Variants in DBX2 observed in about 807,000 individuals in gnomAD.
DBX2 encodes the protein developing brain homeobox 2.
Under a neutral mutation model 17.7 loss-of-function variants are expected in DBX2, and 16 were observed. The ratio of observed to expected loss-of-function variants is 0.90; its 90% CI spans 0.61 to 1.37. The LOEUF (loss-of-function observed/expected upper bound fraction) is 1.37. Among genes scored for constraint, DBX2 ranks in the 40% most tolerant of loss-of-function variants. The pLI is 0.00. For missense variants in DBX2, 538 were observed against 433.8 expected (o/e 1.24, Z -2.13); for synonymous variants, 255 against 183.8 (o/e 1.39, Z -3.13).
chr12:45,019,696 T>C (rs1400178180), intron 3 of DBX2, among the ~76,000 whole-genome samples: 2 of 152,130 alleles, frequency 1.3e-5, no homozygotes, highest in Admixed American at 1.3e-4. Flanking sequence ...GGTGAAATGA[T>C]GGTCTGTTAT....
chr12:45,039,462 A>G (rs1264376069), intron 1 of DBX2, among the ~76,000 whole-genome samples: 1 of 151,688 alleles, frequency 6.6e-6, no homozygotes, highest in African/African-American at 2.4e-5. Context: ...AGGTGCTCTG[A>G]AAAAGGTAGA....
intron 1 of DBX2, among the ~76,000 whole-genome samples, chr12:45,041,683 T>A (rs1946472154): frequency 6.6e-6 from 1 of 152,268 alleles, no homozygotes; most frequent in East Asian, 1.9e-4. Context: ...AGAAGATATA[T>A]CAAGTGCAGT....
intron 1 of DBX2, among the ~76,000 whole-genome samples, chr12:45,036,759 C>A (rs1473727979): frequency 6.6e-6 from 1 of 152,162 alleles, no homozygotes; most frequent in Non-Finnish European, 1.5e-5. Context: ...AGTAAATTTA[C>A]TGAGCAATTC....
chr12:45,048,427 T>C (rs532689281), intron 1 of DBX2, among the ~76,000 whole-genome samples: 3 of 152,202 alleles, frequency 2.0e-5, no homozygotes, highest in Admixed American at 6.5e-5. Flanking sequence ...TCTCCAACTC[T>C]TATGCTGTCC....
intron 2 of DBX2, among the ~76,000 whole-genome samples, chr12:45,030,109 G>A (rs56669029): frequency 2.0e-5 from 3 of 152,092 alleles, no homozygotes; most frequent in East Asian, 2.0e-4. Context: ...AGGGGAGGTT[G>A]GGGGAGACAG....
chr12:45,021,665 C>G (rs1946352764), intron 3 of DBX2, among the ~76,000 whole-genome samples: 1 of 152,172 alleles, frequency 6.6e-6, no homozygotes, highest in Admixed American at 6.5e-5. Flanking sequence ...CCCTCATGTC[C>G]TCTCTCAGGC....
At chr12:45,022,582 G>A (rs1592751133) in intron 3 of DBX2, among the ~76,000 whole-genome samples, 2 of 152,148 alleles carry the variant, frequency 1.3e-5, no homozygotes, top group Middle Eastern at 3.4e-3. Flanking sequence ...GGGATTACAG[G>A]TGTGAGCCAC....
chr12:45,022,157 G>A (rs968562102), intron 3 of DBX2, among the ~76,000 whole-genome samples: 5 of 152,128 alleles, frequency 3.3e-5, no homozygotes, highest in Admixed American at 1.3e-4. Flanking sequence ...ACCACACAGC[G>A]AGGAGAGCAC....
intron 2 of DBX2, among the ~76,000 whole-genome samples, chr12:45,025,501 C>T (rs1458058790): frequency 6.6e-6 from 1 of 151,898 alleles, no homozygotes; most frequent in African/African-American, 2.4e-5. Flanking sequence ...TTTGTTACAG[C>T]AACAATAGAA....
chr12:45,050,468 G>T, intron 1 of DBX2, 57 bp downstream of exon 1: 1 of 1,535,694 alleles, frequency 6.5e-7, no homozygotes. Flanking sequence ...CAGATCCCTG[G>T]ACCACCCGGC....
intron 2 of DBX2, among the ~76,000 whole-genome samples, chr12:45,031,484 A>G (rs544581265): frequency 7.4e-4 from 112 of 152,168 alleles, no homozygotes; most frequent in African/African-American, 2.2e-3. Flanking sequence ...TCTACACTTT[A>G]TATCTATTTG....
chr12:45,027,550 C>A (rs12427110), intron 2 of DBX2, among the ~76,000 whole-genome samples: 2,821 of 152,162 alleles, frequency 0.019, 37 homozygotes, highest in Non-Finnish European at 0.028. Context: ...TTTAGTGAAT[C>A]ATTAAAGATG....
chr12:45,036,556 T>C (rs1317839193), intron 1 of DBX2, among the ~76,000 whole-genome samples: 1 of 152,242 alleles, frequency 6.6e-6, no homozygotes, highest in Non-Finnish European at 1.5e-5. Flanking sequence ...ATATTTACTC[T>C]AAATTCACTT....
At chr12:45,045,338 C>G (rs1443599575) in intron 1 of DBX2, among the ~76,000 whole-genome samples, 1 of 152,200 alleles carries the variant, frequency 6.6e-6, no homozygotes, top group Non-Finnish European at 1.5e-5. Context: ...CTCAAAAGAT[C>G]TTTGTATTTA....
At chr12:45,035,970 T>C in intron 2 of DBX2, 49 bp downstream of exon 2, 1 of 1,539,966 alleles carries the variant, frequency 6.5e-7, no homozygotes, top group Non-Finnish European at 8.8e-7. Flanking sequence ...TCCTGCAGCT[T>C]TGGTTTACAG....
At chr12:45,024,060 C>A (rs1374142304) in intron 2 of DBX2, among the ~76,000 whole-genome samples, 166 bp from the exon 3 acceptor site, 1 of 152,186 alleles carries the variant, frequency 6.6e-6, no homozygotes, top group Non-Finnish European at 1.5e-5. Context: ...GCTATGGACT[C>A]TCATCTTGAA....
intron 2 of DBX2, among the ~76,000 whole-genome samples, chr12:45,030,914 T>C (rs1275277392): frequency 1.3e-5 from 2 of 152,212 alleles, no homozygotes; most frequent in Non-Finnish European, 2.9e-5. Context: ...TTCTCAGAAC[T>C]GAAAGGGATA....
chr12:45,020,889 G>T (rs1244547554), intron 3 of DBX2, among the ~76,000 whole-genome samples: 1 of 151,992 alleles, frequency 6.6e-6, no homozygotes, highest in Non-Finnish European at 1.5e-5. Flanking sequence ...TACATGATGT[G>T]TCAAAAATTC....
chr12:45,034,476 G>A (rs142396173), intron 2 of DBX2, among the ~76,000 whole-genome samples: 6 of 152,292 alleles, frequency 3.9e-5, no homozygotes, highest in South Asian at 2.1e-4. Context: ...TTGAAGGAGC[G>A]AGTAAAAGGT....
Sources: allele counts gnomAD v4.1 joint callset (sites outside exome capture counted in the v4.1 genomes callset), GRCh38; gene constraint gnomAD v4.1.1; transcripts MANE v1.5; gene names NCBI Gene and HGNC (gene_info 2026-07-23, HGNC 2026-07-21).